DIP2C: variants seen among roughly 807,000 people sequenced by gnomAD.
DIP2C encodes the protein disco-interacting protein 2 homolog C.
In DIP2C, 33 loss-of-function variants were observed where a neutral mutation model predicts 192.4. That is an observed-to-expected ratio of 0.17 (90% confidence interval 0.13 to 0.23). DIP2C has a LOEUF of 0.23. Among genes scored for constraint, DIP2C ranks in the 10% least tolerant of loss-of-function variants. The pLI is 1.00. For missense variants in DIP2C, 1,537 were observed against 2,110.1 expected (o/e 0.73, Z 5.32); for synonymous variants, 979 against 864.1 (o/e 1.13, Z -2.33).
intron 1 of DIP2C, among the ~76,000 whole-genome samples, chr10:614,090 G>A (rs1342247258): frequency 1.3e-5 from 2 of 152,114 alleles, no homozygotes; most frequent in Admixed American, 6.5e-5. Flanking sequence ...CTCAAAACAG[G>A]CACACATCTG....
At chr10:488,070 G>A (rs942972914) in intron 1 of DIP2C, among the ~76,000 whole-genome samples, 5 of 152,206 alleles carry the variant, frequency 3.3e-5, no homozygotes, top group African/African-American at 7.2e-5. Flanking sequence ...ACATGTGCAC[G>A]TGCTTGATTT....
intron 1 of DIP2C, among the ~76,000 whole-genome samples, chr10:645,697 C>T (rs1048883170): frequency 2.0e-5 from 3 of 152,118 alleles, no homozygotes; most frequent in Non-Finnish European, 2.9e-5. Flanking sequence ...ATCCTATGAA[C>T]GTGGTCTTAA....
At chr10:546,969 C>CTA (rs752135554) in intron 1 of DIP2C, among the ~76,000 whole-genome samples, 9 of 152,188 alleles carry the variant, frequency 5.9e-5, no homozygotes, top group Non-Finnish European at 1.3e-4. Context: ...CTGCAAATAC[C>CTA]TATCTCTTAA....
intron 1 of DIP2C, among the ~76,000 whole-genome samples, chr10:590,837 G>GC (rs1851358937): frequency 6.6e-6 from 1 of 152,184 alleles, no homozygotes; most frequent in Non-Finnish European, 1.5e-5. Flanking sequence ...CCGCACCAGA[G>GC]CCTGCGAGGT....
chr10:303,233 G>A (rs547218444), intron 32 of DIP2C, among the ~76,000 whole-genome samples: 12 of 151,712 alleles, frequency 7.9e-5, no homozygotes, highest in Non-Finnish European at 1.3e-4. Context: ...AAAACTACTC[G>A]CGAGCTAAGA....
At chr10:430,647 GTC>G (rs1202372912) in intron 4 of DIP2C, 2 of 152,188 alleles carry the variant, frequency 1.3e-5, no homozygotes, top group Non-Finnish European at 2.9e-5. Flanking sequence ...TACTTTAAGA[GTC>G]TTTGACATAG....
At chr10:303,528 TTTTTC>T (rs1368891820) in intron 32 of DIP2C, among the ~76,000 whole-genome samples, 2 of 152,158 alleles carry the variant, frequency 1.3e-5, no homozygotes, top group African/African-American at 2.4e-5. Flanking sequence ...TTACTTTTTT[TTTTTC>T]TTTTTTTGAG....
In DIP2C at chr10:465,931, A is replaced by AAGAATCAAT. The variant is rs1292221957; in HGVS notation, c.268+6499_268+6507dup. Among the ~76,000 whole-genome samples, 26 of 152,282 alleles carry AAGAATCAAT rather than the reference A, an allele frequency of 1.7e-4. No homozygotes were observed. In the East Asian group the frequency reaches 4.8e-3, roughly 28 times the overall value. On this transcript the variant is annotated intron_variant, in intron 3 of 36. Coordinates refer to ENST00000280886, the MANE Select transcript of DIP2C (RefSeq NM_014974.3). ...AGAACATTCCATGCTCTTGGGTAGGAAGAATCAATATCGTGAAAATGGCCA... is the reference window on the plus strand; with the variant it reads ...AGAACATTCCATGCTCTTGGGTAGGAAGAATCAATAGAATCAATATCGTGAAAATGGCCA...
chr10:665,627 G>A (rs1358284313), intron 1 of DIP2C: 2 of 152,136 alleles, frequency 1.3e-5, no homozygotes, highest in African/African-American at 2.4e-5. Context: ...GCCGCCACGT[G>A]ACGAGGCACA....
chr10:283,508 A>G, intron 34 of DIP2C, 62 bp from the exon 35 acceptor site: 6 of 1,579,612 alleles, frequency 3.8e-6, no homozygotes, highest in Non-Finnish European at 4.3e-6. Flanking sequence ...AAATGAGACT[A>G]CAACTACTTT....
chr10:574,345 G>C (rs1850012715), intron 1 of DIP2C, among the ~76,000 whole-genome samples: 1 of 152,210 alleles, frequency 6.6e-6, no homozygotes, highest in African/African-American at 2.4e-5. Context: ...TGCACGGTTA[G>C]AATAACCATT....
chr10:438,951 A>G (rs1967494227), intron 4 of DIP2C, among the ~76,000 whole-genome samples: 1 of 147,558 alleles, frequency 6.8e-6, no homozygotes, highest in South Asian at 2.3e-4. Context: ...CCTCCCAAGT[A>G]GCTGGGACTA....
chr10:404,823 C>T (rs778000245), intron 9 of DIP2C, among the ~76,000 whole-genome samples: 16 of 152,202 alleles, frequency 1.1e-4, no homozygotes, highest in East Asian at 1.9e-4. Flanking sequence ...TACATCTATG[C>T]GGATAAGCCA....
At chr10:598,795 G>C (rs959725355) in intron 1 of DIP2C, among the ~76,000 whole-genome samples, 3 of 152,250 alleles carry the variant, frequency 2.0e-5, no homozygotes, top group Admixed American at 6.5e-5. Flanking sequence ...CTGAGCAGAA[G>C]GCCTGGCCCC....
At chr10:669,569 T>C (rs567919923) in intron 1 of DIP2C, 4 of 152,214 alleles carry the variant, frequency 2.6e-5, no homozygotes, top group Non-Finnish European at 4.4e-5. Context: ...AAAACTGATA[T>C]AATCCACTAC....
chr10:487,338 A>ATTT (rs1844085704), intron 1 of DIP2C, among the ~76,000 whole-genome samples: 2 of 152,198 alleles, frequency 1.3e-5, no homozygotes, highest in Non-Finnish European at 1.5e-5. Flanking sequence ...TTTAACAAAA[A>ATTT]TATAGCAAAT....
chr10:497,560 G>A (rs1033002484), intron 1 of DIP2C, among the ~76,000 whole-genome samples: 2 of 152,148 alleles, frequency 1.3e-5, no homozygotes, highest in African/African-American at 2.4e-5. Context: ...TCAAGACCTT[G>A]TCTTCTTCCA....
chr10:665,478 G>A (rs781485040), intron 1 of DIP2C: 1 of 152,070 alleles, frequency 6.6e-6, no homozygotes, highest in African/African-American at 2.4e-5. Flanking sequence ...AGTAGTTCCA[G>A]GAAACTTCAC....
Position 389,979 on chromosome 10 carries a change from C to G in DIP2C, c.1597+12G>C. The G allele has an allele frequency of 6.2e-7, 1 of 1,608,234 alleles. No homozygotes were observed. Among genetic ancestry groups the G allele is most frequent in the Non-Finnish European group, 8.5e-7 (1 of 1,176,726 alleles). On this transcript the variant is annotated intron_variant, in intron 13 of 36. Transcript: ENST00000280886. The stretch of plus-strand genomic sequence containing the variant: ...AACCAGGGTCCCAAGGAGTCAGGGT[C>G]TGGCACCCCACCTTCCGTGTAGCCA...
Sources: gnomAD v4.1 joint callset for allele counts (sites outside exome capture counted in the v4.1 genomes callset) on GRCh38, gnomAD v4.1.1 for gene constraint, MANE v1.5 for transcripts, NCBI Gene and HGNC (gene_info 2026-07-23, HGNC 2026-07-21) for gene names.